Variants in DLGAP2 observed in about 807,000 individuals in gnomAD.
DLGAP2 encodes the protein DLG associated protein 2, also known as disks large-associated protein 2.
DLGAP2 carries 26 observed loss-of-function variants against 100.3 expected under a neutral mutation model. The ratio of observed to expected loss-of-function variants is 0.26; its 90% CI spans 0.19 to 0.36. The LOEUF (loss-of-function observed/expected upper bound fraction) is 0.36, where lower values mean the gene tolerates loss of function less well. Ranked by LOEUF, DLGAP2 falls within the 10% of genes least tolerant of loss-of-function variation. DLGAP2 has a pLI of 1.00. For missense variants in DLGAP2, 1,858 were observed against 1,453.2 expected, an observed-to-expected ratio of 1.28 and a Z score of -4.53; for synonymous variants, 886 against 630.1, an observed-to-expected ratio of 1.41 and a Z score of -6.08.
intron 1 of DLGAP2, among the ~76,000 whole-genome samples, chr8:842,661 C>G (rs1797004300): frequency 6.6e-6 from 1 of 152,034 alleles, no homozygotes; most frequent in East Asian, 1.9e-4. Flanking sequence ...CTGATTTTCA[C>G]TTTTAGAGAT....
Position 1,702,227 on chromosome 8 carries a change from A to C in DLGAP2, c.*821A>C, listed in dbSNP as rs1799593959. The C allele has an allele frequency of 6.6e-6, 1 of 152,034 alleles. No homozygotes were observed. Among genetic ancestry groups the C allele is most frequent in the African/African-American group, 2.4e-5 (1 of 41,412 alleles). 9.4% of individuals were successfully genotyped at this position (152,034 alleles called of 1,614,324 possible). Reference sequence around the variant, plus strand: ...CTTGTAAACAGTTATTGTATTTTTTATTTCTTTCTAACTTAAAATACGACA... The same window carrying C: ...CTTGTAAACAGTTATTGTATTTTTTCTTTCTTTCTAACTTAAAATACGACA... On this transcript the variant is annotated 3_prime_UTR_variant, in exon 15 of 15. Transcript: ENST00000637795.
At chr8:787,766 T>G (rs1294595773) in intron 1 of DLGAP2, among the ~76,000 whole-genome samples, 1 of 152,216 alleles carries the variant, frequency 6.6e-6, no homozygotes, top group Non-Finnish European at 1.5e-5. Flanking sequence ...TTCATCTTCC[T>G]GGAGTGTATT....
intron 2 of DLGAP2, among the ~76,000 whole-genome samples, chr8:917,026 G>A (rs1050342769): frequency 1.3e-5 from 2 of 152,234 alleles, no homozygotes; most frequent in Non-Finnish European, 2.9e-5. Context: ...AGAAGAAGGT[G>A]TGAGAGGCAG....
intron 1 of DLGAP2, among the ~76,000 whole-genome samples, chr8:760,536 A>G (rs1340413025): frequency 6.6e-6 from 1 of 152,208 alleles, no homozygotes; most frequent in Non-Finnish European, 1.5e-5. Context: ...CTGACAGCAA[A>G]ATAATTTTGC....
chr8:1,362,092 G>A (rs756208060), intron 3 of DLGAP2, among the ~76,000 whole-genome samples: 5 of 78,742 alleles, frequency 6.3e-5, no homozygotes, highest in Non-Finnish European at 9.6e-5. Flanking sequence ...CGGTACAGCT[G>A]GGACTCGGGG....
At chr8:805,977 T>C (rs1332830572) in intron 1 of DLGAP2, among the ~76,000 whole-genome samples, 1 of 152,232 alleles carries the variant, frequency 6.6e-6, no homozygotes, top group African/African-American at 2.4e-5. Context: ...CTGCTGGGTT[T>C]CCCATCTAGC....
chr8:759,038 A>G (rs1396212158), intron 1 of DLGAP2, among the ~76,000 whole-genome samples: 5 of 140,922 alleles, frequency 3.5e-5, no homozygotes, highest in Admixed American at 1.5e-4. Flanking sequence ...CAGCCTTCCC[A>G]TTATCAATAC....
intron 4 of DLGAP2, among the ~76,000 whole-genome samples, chr8:1,519,393 C>T (rs1346269897): frequency 2.6e-5 from 4 of 152,108 alleles, no homozygotes; most frequent in East Asian, 1.9e-4. Flanking sequence ...CAGTGTTTTG[C>T]ACGACAAGTT....
intron 2 of DLGAP2, among the ~76,000 whole-genome samples, chr8:908,490 C>T (rs1169954403): frequency 2.0e-5 from 3 of 152,102 alleles, no homozygotes; most frequent in African/African-American, 4.8e-5. Flanking sequence ...TGTGTAATTT[C>T]TCATGGCAGG....
intron 1 of DLGAP2, among the ~76,000 whole-genome samples, chr8:892,251 C>T (rs1798050373): frequency 6.6e-6 from 1 of 152,196 alleles, no homozygotes; most frequent in South Asian, 2.1e-4. Context: ...CCTGCACACC[C>T]AGGCTCATAG....
At chr8:1,538,555 G>C (rs1175793853) in intron 4 of DLGAP2, among the ~76,000 whole-genome samples, 1 of 152,174 alleles carries the variant, frequency 6.6e-6, no homozygotes, top group African/African-American at 2.4e-5. Context: ...CTCCGTGCAG[G>C]GCGCATTCTG....
At chr8:1,065,947 C>T (rs970695503) in intron 2 of DLGAP2, among the ~76,000 whole-genome samples, 6 of 152,218 alleles carry the variant, frequency 3.9e-5, no homozygotes, top group African/African-American at 1.4e-4. Context: ...CAGGAGCCCT[C>T]AGAGGAGACA....
chr8:802,281 G>A (rs1030457062), intron 1 of DLGAP2, among the ~76,000 whole-genome samples: 28 of 144,778 alleles, frequency 1.9e-4, no homozygotes, highest in African/African-American at 5.6e-4. Flanking sequence ...CCTGGGGAAC[G>A]ATCTGCACCC....
chr8:759,167 C>T (rs1375776209), intron 1 of DLGAP2, among the ~76,000 whole-genome samples: 11 of 110,898 alleles, frequency 9.9e-5, no homozygotes, highest in Middle Eastern at 4.4e-3. Context: ...CCCCCACAGC[C>T]TTCCCGTTAT....
chr8:1,549,224 C>A lies in DLGAP2; in HGVS notation c.771C>A (p.Thr257=). 6.2e-7 allele frequency: 1 copy of A among 1,604,604 alleles called. No individual in the cohort carries two copies. Among genetic ancestry groups the A allele is most frequent in the East Asian group, 2.3e-5 (1 of 44,350 alleles). The change falls in exon 5 of 15, where the codon ACC becomes ACA. Residue 257 remains threonine (T), a synonymous_variant. Coordinates refer to ENST00000637795, the MANE Select transcript of DLGAP2 (RefSeq NM_001346810.2). The part of the protein sequence containing the change: ...EGSSKSNANG[T]KADGRADDHH... Reference sequence around the variant, plus strand: ...CCTCCAAAAGCAACGCCAACGGCACCAAGGCGGACGGCCGGGCGGACGACC... The same window carrying A: ...CCTCCAAAAGCAACGCCAACGGCACAAAGGCGGACGGCCGGGCGGACGACC...
chr8:1,205,853 C>G (rs7009433), intron 2 of DLGAP2, among the ~76,000 whole-genome samples: 1 of 151,918 alleles, frequency 6.6e-6, no homozygotes, highest in Admixed American at 6.5e-5. Flanking sequence ...GATATTTTTC[C>G]CTTCAAAAAT....
At chr8:1,222,369 A>G (rs1352738012) in intron 2 of DLGAP2, among the ~76,000 whole-genome samples, 1 of 152,178 alleles carries the variant, frequency 6.6e-6, no homozygotes, top group African/African-American at 2.4e-5. Context: ...CTCAGCACCC[A>G]GGGGCTGCAT....
At chr8:1,025,936 G>A (rs1198970751) in intron 2 of DLGAP2, among the ~76,000 whole-genome samples, 1 of 152,184 alleles carries the variant, frequency 6.6e-6, no homozygotes, top group Non-Finnish European at 1.5e-5. Context: ...AGTTTCTAGG[G>A]AGCAGGGAGC....
chr8:1,331,625 G>A (rs1043744435), intron 3 of DLGAP2, among the ~76,000 whole-genome samples: 5 of 152,180 alleles, frequency 3.3e-5, no homozygotes, highest in African/African-American at 4.8e-5. Context: ...CTTCTTTTGT[G>A]TTAATCTCAG....
Sources: allele counts gnomAD v4.1 joint callset (sites outside exome capture counted in the v4.1 genomes callset), GRCh38; gene constraint gnomAD v4.1.1; transcripts MANE v1.5; gene names NCBI Gene and HGNC (gene_info 2026-07-23, HGNC 2026-07-21).